The following STAB1 variants were observed in gnomAD, a reference collection of about 807,000 sequenced individuals.
STAB1 encodes the protein stabilin 1.
In STAB1, 250 loss-of-function variants were observed where a neutral mutation model predicts 332.4. The ratio of observed to expected loss-of-function variants is 0.75; its 90% confidence interval spans 0.68 to 0.84. The LOEUF is 0.84. STAB1 is among the 40% of genes least tolerant of loss of function. The probability of loss-of-function intolerance (pLI) is 0.00; values close to 1 mark genes in which losing one functional copy is unlikely to be tolerated. For synonymous variants in STAB1, 1,475 were observed against 1,390.4 expected (o/e 1.06, Z -1.35); for missense variants, 3,249 against 3,489.7 (o/e 0.93, Z 1.74).
At position 52,513,395 on chromosome 3, in the gene STAB1, G is replaced by C. The variant is rs149401529; in HGVS notation, c.3270+154G>C. Among the ~76,000 whole-genome samples, 597 of 152,324 alleles carry C rather than the reference G, an allele frequency of 3.9e-3. 3 individuals carry two copies. The highest frequency in any genetic ancestry group is 0.022 in the South Asian group (107 of 4,830). ...CGGGCTCAAAGGATGTGCTCAGGAC[G>C]CATTGCTGATGGACACTGAGTCGCT... On this transcript the variant is annotated intron_variant, in intron 30 of 68. Transcript: ENST00000321725.
chr3:52,498,501 G>A (rs1708207831), intron 1 of STAB1, among the ~76,000 whole-genome samples: 1 of 152,246 alleles, frequency 6.6e-6, no homozygotes, highest in Non-Finnish European at 1.5e-5. Context: ...CCATTCATCA[G>A]CATTTCACAC....
At chr3:52,517,293 C>A (rs1381672292) in intron 42 of STAB1, 27 bp from the exon 43 acceptor site, 4 of 1,538,252 alleles carry the variant, frequency 2.6e-6, no homozygotes, top group African/African-American at 2.8e-5. Flanking sequence ...CTAAGGGCCA[C>A]CCCCATCCCA....
rs1471771562 is a variant in STAB1, at chr3:52,522,909, A to G, written c.6879A>G (p.Glu2293=). 2.5e-6 allele frequency: 4 copies of G among 1,613,330 alleles called. No individual in the cohort carries two copies. Among genetic ancestry groups the G allele is most frequent in the Non-Finnish European group, 3.4e-6 (4 of 1,179,994 alleles). Residue 2293 remains glutamate (E), a synonymous_variant, in exon 62 of 69, where the codon GAA becomes GAG. Coordinates refer to ENST00000321725, the MANE Select transcript of STAB1 (RefSeq NM_015136.3). ...TGGGTGCCCGCAAGAACCTCTCAGAACGCTGGGATGCCTACTGCTTCCGTG... is the reference window on the plus strand; with the variant it reads ...TGGGTGCCCGCAAGAACCTCTCAGAGCGCTGGGATGCCTACTGCTTCCGTG... ...VSLGARKNLS[E]RWDAYCFRVQ...
At chr3:52,500,137 G>C (rs1708337296) in intron 1 of STAB1, among the ~76,000 whole-genome samples, 1 of 152,048 alleles carries the variant, frequency 6.6e-6, no homozygotes, top group Non-Finnish European at 1.5e-5. Flanking sequence ...CAGGTTTACG[G>C]AGCTCCTGCA....
chr3:52,522,182 C>G lies in STAB1; in HGVS notation c.6417C>G (p.Gly2139=). ...GGGCCCGCAACCCCTGCACAGATGG[C>G]CACCGCGGGGGCTGCAGCGAGCACG... ...SCRARNPCTD[G]HRGGCSEHAN... The change falls in exon 59 of 69, where the codon GGC becomes GGG. Residue 2139 remains glycine, a synonymous_variant. Coordinates refer to ENST00000321725, the MANE Select transcript of STAB1 (RefSeq NM_015136.3). 6.2e-7 allele frequency: 1 copy of G among 1,612,796 alleles called. No individual in the cohort carries two copies. The highest frequency in any genetic ancestry group is 8.5e-7 in the Non-Finnish European group (1 of 1,179,990).
At position 52,517,910 on chromosome 3, in the gene STAB1, C is replaced by T. The variant is rs373274129; in HGVS notation, c.4668C>T (p.Thr1556=). ...ATGGAGGATGCAGCCCATATGCCAC[C>T]TGCAAAAGCACAGGGGATGGCCAGA... ...KNNGGCSPYA[T]CKSTGDGQRT... The change falls in exon 45 of 69, where the codon ACC becomes ACT. Residue 1556 remains threonine (T), a synonymous_variant. Coordinates refer to ENST00000321725, the MANE Select transcript of STAB1 (RefSeq NM_015136.3). The T allele has an allele frequency of 1.7e-4, 268 of 1,611,608 alleles. 1 individual carries two copies. The highest frequency in any genetic ancestry group is 4.7e-4 in the Admixed American group (28 of 59,642).
chr3:52,512,320 C>A, intron 26 of STAB1, 21 bp from the exon 27 acceptor site: 2 of 1,610,398 alleles, frequency 1.2e-6, no homozygotes, highest in Non-Finnish European at 1.7e-6. Context: ...GAATGGAGGC[C>A]CTTTCTCACT....
chr3:52,523,421 T>C lies in STAB1; in HGVS notation c.7141-6T>C, dbSNP rs1432575516. On this transcript the variant is annotated splice_polypyrimidine_tract_variant and splice_region_variant and intron_variant, in intron 64 of 68. Coordinates refer to ENST00000321725, the MANE Select transcript of STAB1 (RefSeq NM_015136.3). Reference sequence around the variant, plus strand: ...CCCAGGCCAACAGGCCTTGCTCTGCTCACAGACGCTGAGTGGCCCAGACTT... The same window carrying C: ...CCCAGGCCAACAGGCCTTGCTCTGCCCACAGACGCTGAGTGGCCCAGACTT... The C allele has an allele frequency of 6.2e-7, 1 of 1,608,736 alleles. No homozygotes were observed. Among genetic ancestry groups the C allele is most frequent in the Non-Finnish European group, 8.5e-7 (1 of 1,177,680 alleles).
At chr3:52,497,957 T>C (rs1461112562) in intron 1 of STAB1, among the ~76,000 whole-genome samples, 1 of 152,028 alleles carries the variant, frequency 6.6e-6, no homozygotes, top group South Asian at 2.1e-4. Flanking sequence ...TTCAGCAGCT[T>C]TTCACCGAGG....
rs1394824664 is a variant in STAB1 at position 52,524,291 on chromosome 3, C to T, written c.7657-9C>T. The T allele has an allele frequency of 1.2e-6, 2 of 1,613,902 alleles. No homozygotes were observed. Among genetic ancestry groups the T allele is most frequent in the Middle Eastern group, 1.6e-4 (1 of 6,062 alleles). ...GTCACACCCTCCACCACCAACCCTG[C>T]TCTTCTAGGACTCACTGCTGGAGGA... On this transcript the variant is annotated splice_polypyrimidine_tract_variant and intron_variant, in intron 68 of 68. Transcript: ENST00000321725.
chr3:52,501,446 C>A, intron 2 of STAB1, 144 bp downstream of exon 2: 1 of 1,337,912 alleles, frequency 7.5e-7, no homozygotes, highest in Non-Finnish European at 1.0e-6. Context: ...TGGAGATAGG[C>A]GGGGAGGAAG....
At chr3:52,502,959 C>T (rs1708560540) in intron 6 of STAB1, 40 bp from the exon 7 acceptor site, 1 of 1,486,408 alleles carries the variant, frequency 6.7e-7, no homozygotes, top group African/African-American at 1.4e-5. Flanking sequence ...CCTCCCCAGC[C>T]TGGGCTTGGG....
At chr3:52,499,675 G>A (rs913318479) in intron 1 of STAB1, among the ~76,000 whole-genome samples, 2 of 150,574 alleles carry the variant, frequency 1.3e-5, no homozygotes, top group Middle Eastern at 3.4e-3. Context: ...CGAGGCGGGC[G>A]GATCACGAGG....
Position 52,516,062 on chromosome 3 carries a change from G to T in STAB1, c.3968G>T (p.Gly1323Val). Residue 1323 changes from glycine to valine, a missense_variant, in exon 38 of 69, where the codon GGT becomes GTT. Transcript: ENST00000321725. Reference sequence around the variant, plus strand: ...CGACAGGTGCCGGACTGCTGCCCTGGTTTCTTTGGCACGCTGTGTGAGCCA... The same window carrying T: ...CGACAGGTGCCGGACTGCTGCCCTGTTTTCTTTGGCACGCTGTGTGAGCCA... ...KKIQVPDCCP[G>V]FFGTLCEPCP... The T allele has an allele frequency of 6.2e-7, 1 of 1,610,330 alleles. No homozygotes were observed. Among genetic ancestry groups the T allele is most frequent in the Non-Finnish European group, 8.5e-7 (1 of 1,178,468 alleles).
At chr3:52,518,042 C>A (rs1272096787) in intron 45 of STAB1, 39 bp downstream of exon 45, 6 of 1,573,964 alleles carry the variant, frequency 3.8e-6, no homozygotes, top group Non-Finnish European at 5.2e-6. Context: ...CTGGTCTTGG[C>A]TGTGCCCCAT....
chr3:52,516,339 C>A lies in STAB1; in HGVS notation c.4145-17C>A, dbSNP rs1283294671. 2.5e-6 allele frequency: 4 copies of A among 1,605,860 alleles called. No homozygotes were observed. Among genetic ancestry groups the A allele is most frequent in the Non-Finnish European group, 3.4e-6 (4 of 1,174,700 alleles). On this transcript the variant is annotated splice_polypyrimidine_tract_variant and intron_variant, in intron 38 of 68. Coordinates refer to ENST00000321725, the MANE Select transcript of STAB1 (RefSeq NM_015136.3). ...GGAGGCACTGGGCAACTCCTATCCT[C>A]CTTTATACCACTGCAGTGTGTGACT...
chr3:52,512,850 C>A lies in STAB1; in HGVS notation c.3050C>A (p.Ala1017Asp). 1 of 1,609,776 alleles carries A rather than the reference C, an allele frequency of 6.2e-7. No individual in the cohort carries two copies. Among genetic ancestry groups the A allele is most frequent in the Non-Finnish European group, 8.5e-7 (1 of 1,179,856 alleles). Residue 1017 changes from alanine (A) to aspartate (D), a missense_variant, in exon 29 of 69, where the codon GCC (alanine) becomes GAC (aspartate). Transcript: ENST00000321725. ...CAGAGTGCCGGCATCACGCTTCCTG[C>A]CGACCGCCGAGTCACAGCCCTGGTG... ...WLKSAGITLP[A>D]DRRVTALVPS...
At position 52,523,528 on chromosome 3, in the gene STAB1, C is replaced by T. The variant is rs2079152930; in HGVS notation, c.7242C>T (p.Ser2414=). 1 of 1,612,902 alleles carries T rather than the reference C, an allele frequency of 6.2e-7. No individual in the cohort carries two copies. The highest frequency in any genetic ancestry group is 1.1e-5 in the South Asian group (1 of 91,088). ...GKLLPAHSGL[S]LIISDAGPDN... ...TGCTTCCGGCCCACTCAGGCCTCAG[C>T]CTCATCATCAGTGACGCAGGCCCTG... Residue 2414 remains serine, a synonymous_variant, in exon 65 of 69, where the codon AGC becomes AGT. Coordinates refer to ENST00000321725, the MANE Select transcript of STAB1 (RefSeq NM_015136.3).
chr3:52,502,292 A>C (rs758801), intron 5 of STAB1, 64 bp downstream of exon 5: 1,339,787 of 1,546,938 alleles, frequency 0.87, 581,068 homozygotes, highest in East Asian at 0.98. Flanking sequence ...CAGATGCAGT[A>C]CCTACAACCA....
Sources: allele counts gnomAD v4.1 joint callset (sites outside exome capture counted in the v4.1 genomes callset), GRCh38; gene constraint gnomAD v4.1.1; transcripts MANE v1.5; gene names NCBI Gene and HGNC (gene_info 2026-07-23, HGNC 2026-07-21).